The following NPIPB11 variants were observed in gnomAD, a reference collection of about 807,000 sequenced individuals.
NPIPB11 encodes nuclear pore complex-interacting protein family member B11.
NPIPB11 carries 17 observed loss-of-function variants against 32.8 expected under a neutral mutation model. The observed-to-expected ratio is 0.52, with a 90% CI of 0.35 to 0.78. The LOEUF is 0.78. NPIPB11 is among the 30% of genes least tolerant of loss of function. NPIPB11 has a pLI of 0.01. For synonymous variants in NPIPB11, 209 were observed against 398.4 expected, an observed-to-expected ratio of 0.52 and a Z score of 5.66; for missense variants, 537 against 1,000.4, an observed-to-expected ratio of 0.54 and a Z score of 6.25.
chr16:29,390,683 G>T (rs1963696911), intron 3 of NPIPB11, among the ~76,000 whole-genome samples: 1 of 145,478 alleles, frequency 6.9e-6, no homozygotes, highest in African/African-American at 2.5e-5. Context: ...AATGACATGA[G>T]GCTGGCACAG....
chr16:29,398,894 T>C (rs892562688), intron 2 of NPIPB11, among the ~76,000 whole-genome samples: 6 of 151,956 alleles, frequency 3.9e-5, no homozygotes, highest in African/African-American at 7.3e-5. Context: ...CGAGTGATGA[T>C]GTCCTTATCT....
chr16:29,400,912 C>T (rs1941098467), intron 2 of NPIPB11, among the ~76,000 whole-genome samples: 1 of 152,096 alleles, frequency 6.6e-6, no homozygotes, highest in Admixed American at 6.5e-5. Context: ...CCACTACCCC[C>T]ACTATCCCCA....
chr16:29,387,455 ACCATCAG>A (rs1340972755), intron 5 of NPIPB11, among the ~76,000 whole-genome samples: 1 of 149,608 alleles, frequency 6.7e-6, no homozygotes, highest in Non-Finnish European at 1.5e-5. Context: ...CAGAACTGAG[ACCATCAG>A]CCATAGAGAG....
At chr16:29,397,526 C>T in intron 2 of NPIPB11, 1 of 1,504,524 alleles carries the variant, frequency 6.6e-7, no homozygotes, top group Non-Finnish European at 8.9e-7. Flanking sequence ...TGACACAGCC[C>T]AGTAAAAAGG....
chr16:29,393,760 G>C (rs1034916799), intron 3 of NPIPB11, among the ~76,000 whole-genome samples, 188 bp downstream of exon 3: 34 of 152,250 alleles, frequency 2.2e-4, no homozygotes, highest in Admixed American at 1.3e-3. Flanking sequence ...TAAACAAACA[G>C]TGACCTATTT....
At chr16:29,396,368 T>C (rs1268750808) in intron 2 of NPIPB11, among the ~76,000 whole-genome samples, 55 of 145,490 alleles carry the variant, frequency 3.8e-4, no homozygotes, top group Admixed American at 6.9e-4. Context: ...TGGCATGGCA[T>C]GCATCTGTAT....
At chr16:29,401,051 T>C (rs1257089606) in intron 2 of NPIPB11, among the ~76,000 whole-genome samples, 1 of 151,980 alleles carries the variant, frequency 6.6e-6, no homozygotes, top group East Asian at 1.9e-4. Flanking sequence ...CCCAGGGCCA[T>C]TGGAACAAAG....
rs994941126 is a variant in NPIPB11 at position 29,393,415 on chromosome 16, C to G, written c.249+533G>C. ...TGCTGCCCCTCTAAATGGCCTACATCTCCATCTATCTCCCTCTCCCCTCAG... is the reference window on the plus strand; with the variant it reads ...TGCTGCCCCTCTAAATGGCCTACATGTCCATCTATCTCCCTCTCCCCTCAG... On this transcript the variant is annotated intron_variant, in intron 3 of 7. Transcript: ENST00000524087. Among the ~76,000 whole-genome samples the G allele has an allele frequency of 4.6e-5, 7 of 151,994 alleles. No individual in the cohort carries two copies. The South Asian group carries it at 1.2e-3, about 27-fold the overall frequency.
chr16:29,400,744 C>G (rs1963969091), intron 2 of NPIPB11, among the ~76,000 whole-genome samples: 1 of 152,092 alleles, frequency 6.6e-6, no homozygotes, highest in South Asian at 2.1e-4. Context: ...GGGGGCAGGT[C>G]CATCTTCAGT....
rs1204554676 is a variant in NPIPB11 at position 29,400,220 on chromosome 16, G to A, written c.120+3463C>T. On this transcript the variant is annotated intron_variant, in intron 2 of 7. Coordinates refer to ENST00000524087, the Ensembl canonical transcript of NPIPB11. ...TCCATGAAGGGTTGCTAGAGTCACCGTGATCATAGCCCAAGCAGAGACAGG... is the reference window on the plus strand; with the variant it reads ...TCCATGAAGGGTTGCTAGAGTCACCATGATCATAGCCCAAGCAGAGACAGG... Among the ~76,000 whole-genome samples, 7 of 148,462 alleles carry A rather than the reference G, an allele frequency of 4.7e-5. No individual in the cohort carries two copies. In the South Asian group the frequency reaches 6.5e-4, roughly 14 times the overall value.
chr16:29,391,139 C>T (rs1302490736), intron 3 of NPIPB11, among the ~76,000 whole-genome samples: 6 of 137,442 alleles, frequency 4.4e-5, no homozygotes, highest in South Asian at 2.4e-4. Context: ...TGGTGATGCA[C>T]GCCTGTAGTC....
At chr16:29,400,108 G>A (rs1963954239) in intron 2 of NPIPB11, among the ~76,000 whole-genome samples, 1 of 151,676 alleles carries the variant, frequency 6.6e-6, no homozygotes, top group Non-Finnish European at 1.5e-5. Context: ...TCGGATTTCG[G>A]TTGTGTTGGT....
At chr16:29,395,328 AT>A (rs1260881050) in intron 2 of NPIPB11, among the ~76,000 whole-genome samples, 1 of 47,796 alleles carries the variant, frequency 2.1e-5, no homozygotes, top group Non-Finnish European at 3.8e-5. Flanking sequence ...CACTCGGCTA[AT>A]TTTTGTATTT....
chr16:29,392,650 C>T (rs1237436126), intron 3 of NPIPB11, among the ~76,000 whole-genome samples: 1 of 150,686 alleles, frequency 6.6e-6, no homozygotes, highest in Non-Finnish European at 1.5e-5. Flanking sequence ...GTGGAGGTTG[C>T]AGTGAGCCGA....
intron 3 of NPIPB11, among the ~76,000 whole-genome samples, chr16:29,390,855 C>T (rs533044811): frequency 4.0e-5 from 6 of 148,710 alleles, no homozygotes; most frequent in South Asian, 2.1e-4. Flanking sequence ...CCCAGCTAGT[C>T]GGGAGGTTGA....
At chr16:29,404,788 C>T (rs1294582425), upstream of NPIPB11, among the ~76,000 whole-genome samples, 1 of 146,338 alleles carries the variant, frequency 6.8e-6, no homozygotes, top group East Asian at 2.0e-4. Flanking sequence ...TCACCTGTGC[C>T]AGCCCTGTGA....
At chr16:29,383,746 G>C (rs1437645284) in exon 8 of NPIPB11, 2 of 528,940 alleles carry the variant, frequency 3.8e-6, no homozygotes, top group Non-Finnish European at 5.7e-6. Context: ...GGAGTGAGCT[G>C]ACGCTCAGAA....
At chr16:29,402,448 T>A (rs3933858) in intron 2 of NPIPB11, among the ~76,000 whole-genome samples, 6,401 of 109,448 alleles carry the variant, frequency 0.058, 294 homozygotes, top group African/African-American at 0.13. Context: ...CTCACACCTA[T>A]AGTCCCAGCA....
chr16:29,390,126 G>A (rs1199575449), exon 5 of NPIPB11: 2 of 753,354 alleles, frequency 2.7e-6, no homozygotes, highest in Admixed American at 2.6e-5. Context: ...GCATACAAAT[G>A]GACCTCAGCC....
Sources: allele counts gnomAD v4.1 joint callset (sites outside exome capture counted in the v4.1 genomes callset), GRCh38; gene constraint gnomAD v4.1.1; transcripts MANE v1.5; gene names NCBI Gene and HGNC (gene_info 2026-07-23, HGNC 2026-07-21).